TIMP2: variants seen among roughly 807,000 people sequenced by gnomAD.
TIMP2 encodes the protein TIMP metallopeptidase inhibitor 2.
TIMP2 carries 5 observed loss-of-function variants against 24.3 expected under a neutral mutation model. The observed-to-expected ratio is 0.21, with a 90% CI of 0.11 to 0.43. TIMP2 has a LOEUF of 0.43. TIMP2 is among the 20% of genes least tolerant of loss of function. TIMP2 has a pLI of 1.00. For synonymous variants in TIMP2, 130 were observed against 123.2 expected (o/e 1.06, Z -0.37); for missense variants, 221 against 297.5 (o/e 0.74, Z 1.89).
chr17:78,914,736 T>A (rs766800165), intron 1 of TIMP2, among the ~76,000 whole-genome samples: 3 of 151,770 alleles, frequency 2.0e-5, no homozygotes, highest in Non-Finnish European at 4.4e-5. Context: ...CCACCACCCC[T>A]GGCTAATTTT....
In TIMP2 at chr17:78,925,044, C is replaced by T; in HGVS notation, c.45G>A (p.Leu15=). The change falls in exon 1 of 5, where the codon CTG becomes CTA. Residue 15 remains leucine (L), a synonymous_variant. Transcript: ENST00000262768. ...ARTLRLALGL[L]LLATLLRPAD... ...CCGGGCGAAGCAGCGTCGCCAGCAGCAGGAGGCCGAGCGCCAGCCGCAGGG... is the reference window on the plus strand; with the variant it reads ...CCGGGCGAAGCAGCGTCGCCAGCAGTAGGAGGCCGAGCGCCAGCCGCAGGG... 1 of 1,204,626 alleles carries T rather than the reference C, an allele frequency of 8.3e-7. No individual in the cohort carries two copies. The allele number at this position is 1,204,626 out of a possible 1,614,324, so 74.6% of individuals were successfully genotyped here. A position where few individuals can be genotyped will look rare whatever the true frequency, so the allele number is the denominator to read the frequency against.
intron 1 of TIMP2, among the ~76,000 whole-genome samples, chr17:78,917,119 G>A (rs919578729): frequency 5.9e-5 from 9 of 152,158 alleles, no homozygotes; most frequent in East Asian, 1.9e-4. Context: ...GGGCGTAGTG[G>A]CGGGCGCCTG....
At chr17:78,866,945 G>C (rs11077398) in intron 3 of TIMP2, among the ~76,000 whole-genome samples, 141,640 of 152,242 alleles carry the variant, frequency 0.93, 65,976 homozygotes, top group African/African-American at 0.95. Flanking sequence ...GATGGTTGCA[G>C]AACTCTGTGA....
chr17:78,857,441 A>G (rs761584562), intron 4 of TIMP2, 81 bp downstream of exon 4: 1 of 1,587,278 alleles, frequency 6.3e-7, no homozygotes, highest in Non-Finnish European at 8.6e-7. Context: ...GGGTCCTGGA[A>G]AGCCAGGGAT....
chr17:78,917,484 G>A (rs2070270335), intron 1 of TIMP2, among the ~76,000 whole-genome samples: 2 of 152,160 alleles, frequency 1.3e-5, no homozygotes. Flanking sequence ...TGTACGGTAG[G>A]CACCCAAATT....
intron 1 of TIMP2, among the ~76,000 whole-genome samples, chr17:78,905,551 A>T (rs7502916): frequency 1.7e-4 from 26 of 152,158 alleles, no homozygotes; most frequent in Middle Eastern, 3.4e-3. Context: ...TCTAGTGAGG[A>T]GGAAATAGCA....
At chr17:78,893,694 T>A (rs1446020426) in intron 1 of TIMP2, among the ~76,000 whole-genome samples, 2 of 152,026 alleles carry the variant, frequency 1.3e-5, no homozygotes, top group African/African-American at 4.8e-5. Flanking sequence ...GTCTGATACT[T>A]GAATCCAGTA....
At chr17:78,862,007 T>C (rs995206263) in intron 3 of TIMP2, among the ~76,000 whole-genome samples, 12 of 152,334 alleles carry the variant, frequency 7.9e-5, no homozygotes, top group African/African-American at 1.9e-4. Flanking sequence ...GTTCTACTTA[T>C]GTCTGTCTCC....
chr17:78,890,937 T>C, intron 1 of TIMP2: 2 of 1,551,030 alleles, frequency 1.3e-6, no homozygotes. Context: ...GGGTGTTCCA[T>C]TTGTTCAAGC....
At chr17:78,857,856 G>A (rs1288235799) in intron 3 of TIMP2, among the ~76,000 whole-genome samples, 1 of 150,744 alleles carries the variant, frequency 6.6e-6, no homozygotes, top group African/African-American at 2.4e-5. Flanking sequence ...GATCTCTTGA[G>A]GCCAGGAGTT....
At position 78,870,981 on chromosome 17, in the gene TIMP2, A is replaced by G. The variant is rs2069677939; in HGVS notation, c.257T>C (p.Ile86Thr). 6.2e-7 allele frequency: 1 copy of G among 1,613,420 alleles called. No homozygotes were observed. The highest frequency in any genetic ancestry group is 8.5e-7 in the Non-Finnish European group (1 of 1,179,714). Residue 86 changes from isoleucine to threonine, a missense_variant, in exon 3 of 5, where the codon ATA becomes ACA. Physicochemically the swap from Ile to Thr is moderately conservative, Grantham distance 89 (BLOSUM62 -1). Transcript: ENST00000262768. ...IKMFKGPEKD[I>T]EFIYTAPSSA... Reference sequence around the variant, plus strand: ...GGAGGGGGCCGTGTAGATAAACTCTATATCCTTCTCAGGCCCTTTGAACAT... The same window carrying G: ...GGAGGGGGCCGTGTAGATAAACTCTGTATCCTTCTCAGGCCCTTTGAACAT...
At position 78,860,198 on chromosome 17, in the gene TIMP2, A is replaced by AAC. The variant is rs1398140297; in HGVS notation, c.341-2553_341-2552insGT. ...CTTCAAAACAAAAAAAACAAAAACA[A>AAC]AAACAAAAAAAACCTCATCCCTCCT... On this transcript the variant is annotated intron_variant, in intron 3 of 4. Transcript: ENST00000262768. Among the ~76,000 whole-genome samples, 180 of 152,088 alleles carry AAC rather than the reference A, an allele frequency of 1.2e-3. 1 individual carries two copies. Among genetic ancestry groups the AAC allele is most frequent in the African/African-American group, 4.2e-3 (175 of 41,494 alleles).
intron 1 of TIMP2, among the ~76,000 whole-genome samples, chr17:78,886,342 T>G (rs924494183): frequency 6.6e-6 from 1 of 152,180 alleles, no homozygotes; most frequent in Non-Finnish European, 1.5e-5. Flanking sequence ...CCCATCAGAC[T>G]GTGGCTTCCA....
At chr17:78,869,947 G>C (rs1411688090) in intron 3 of TIMP2, among the ~76,000 whole-genome samples, 1 of 152,176 alleles carries the variant, frequency 6.6e-6, no homozygotes, top group East Asian at 1.9e-4. Context: ...GAGGCCCCTG[G>C]AGTAGTCAAA....
intron 1 of TIMP2, among the ~76,000 whole-genome samples, chr17:78,921,678 A>T (rs2070309557): frequency 6.6e-6 from 1 of 152,232 alleles, no homozygotes; most frequent in Non-Finnish European, 1.5e-5. Context: ...ACTGTAACTG[A>T]GACACAAAAT....
chr17:78,908,382 T>C (rs1334535764), intron 1 of TIMP2, among the ~76,000 whole-genome samples: 1 of 152,220 alleles, frequency 6.6e-6, no homozygotes. Context: ...AAGTCCTTGA[T>C]CACTGCTGCC....
chr17:78,922,549 GGCTCA>G (rs2070315668), intron 1 of TIMP2: 1 of 152,288 alleles, frequency 6.6e-6, no homozygotes, highest in African/African-American at 2.4e-5. Flanking sequence ...CGGGCGCGGT[GGCTCA>G]CGCCTATAAT....
intron 1 of TIMP2, among the ~76,000 whole-genome samples, chr17:78,884,992 G>T (rs539851918): frequency 9.2e-5 from 14 of 152,344 alleles, no homozygotes; most frequent in Middle Eastern, 6.8e-3. Flanking sequence ...AGCAGGTTGG[G>T]GGGGAGCAGG....
At chr17:78,892,072 C>T (rs1341627459) in intron 1 of TIMP2, 2 of 1,551,726 alleles carry the variant, frequency 1.3e-6, no homozygotes, top group African/African-American at 2.7e-5. Flanking sequence ...TTTCCCTGGC[C>T]CGTCCTCCTC....
Sources: gnomAD v4.1 joint callset for allele counts (sites outside exome capture counted in the v4.1 genomes callset) on GRCh38, gnomAD v4.1.1 for gene constraint, MANE v1.5 for transcripts, NCBI Gene and HGNC (gene_info 2026-07-23, HGNC 2026-07-21) for gene names.